GCNT2: variants seen among roughly 807,000 people sequenced by gnomAD.
GCNT2 encodes N-acetyllactosaminide beta-1,6-N-acetylglucosaminyl-transferase.
A neutral mutation model predicts 34.2 loss-of-function variants in GCNT2; 34 were observed. The observed-to-expected ratio is 1.00, with a 90% CI of 0.76 to 1.32. The LOEUF is 1.32. Ranked by LOEUF, GCNT2 falls within the 40% of genes most tolerant of loss-of-function variation. The pLI, the probability that GCNT2 is intolerant of heterozygous loss-of-function variation, is 0.00. For synonymous variants in GCNT2, 212 were observed against 188.0 expected (o/e 1.13, Z -1.04); for missense variants, 584 against 489.4 (o/e 1.19, Z -1.82).
intron 3 of GCNT2, among the ~76,000 whole-genome samples, chr6:10,566,897 A>G (rs1435099809): frequency 1.3e-5 from 2 of 152,242 alleles, no homozygotes; most frequent in African/African-American, 2.4e-5. Context: ...GAGTCTGCTC[A>G]TTCTCTTGAT....
chr6:10,575,366 T>TC (rs1763760727), intron 3 of GCNT2: 1 of 168,198 alleles, frequency 5.9e-6, no homozygotes, highest in African/African-American at 2.4e-5. Flanking sequence ...ACATTTTTTT[T>TC]TTTTTTTTTT....
intron 3 of GCNT2, among the ~76,000 whole-genome samples, chr6:10,552,198 A>G (rs1762515490): frequency 1.3e-5 from 2 of 152,188 alleles, no homozygotes; most frequent in Admixed American, 1.3e-4. Context: ...AATCCAACAA[A>G]TCCAGAGAAT....
chr6:10,607,016 G>A (rs907570995), intron 3 of GCNT2, among the ~76,000 whole-genome samples: 2 of 151,628 alleles, frequency 1.3e-5, no homozygotes, highest in South Asian at 2.1e-4. Flanking sequence ...GCGTGACCTC[G>A]GCTCACTGCA....
intron 3 of GCNT2, among the ~76,000 whole-genome samples, chr6:10,607,908 A>T (rs73721319): frequency 0.12 from 18,538 of 152,018 alleles, 1,719 homozygotes; most frequent in African/African-American, 0.26. Flanking sequence ...ATAACCTGTC[A>T]GTGGTCTCAC....
At chr6:10,575,097 C>T (rs1763743572) in intron 3 of GCNT2, 2 of 513,208 alleles carry the variant, frequency 3.9e-6, no homozygotes, top group Admixed American at 4.9e-5. Context: ...AGTACCCATT[C>T]CCTTGATGCC....
rs372492879 is a variant in GCNT2, at chr6:10,528,902, C to T, written c.-10C>T. 25 of 1,600,670 alleles carry T rather than the reference C, an allele frequency of 1.6e-5. No homozygotes were observed. The highest frequency in any genetic ancestry group is 2.1e-5 in the Non-Finnish European group (24 of 1,168,152). On this transcript the variant is annotated 5_prime_UTR_variant, in exon 3 of 5. Coordinates refer to ENST00000495262, the MANE Select transcript of GCNT2 (RefSeq NM_145649.5). The stretch of plus-strand genomic sequence containing the variant: ...AAGAGAGAGATATTTTACTCATTTC[C>T]TGGTTGTGAATGATGGGCTCTTGGA...
intron 3 of GCNT2, among the ~76,000 whole-genome samples, chr6:10,531,928 A>G (rs578149541): frequency 1.4e-5 from 2 of 139,422 alleles, no homozygotes; most frequent in African/African-American, 5.3e-5. Flanking sequence ...AGGATAATTG[A>G]TTTGGAAAAG....
chr6:10,584,751 C>A (rs1035952229), intron 3 of GCNT2, among the ~76,000 whole-genome samples: 1 of 152,232 alleles, frequency 6.6e-6, no homozygotes. Flanking sequence ...ATCCATTAAA[C>A]CTTGATTCAA....
chr6:10,549,103 T>A (rs565530373), intron 3 of GCNT2, among the ~76,000 whole-genome samples: 1 of 152,218 alleles, frequency 6.6e-6, no homozygotes, highest in African/African-American at 2.4e-5. Flanking sequence ...AAGCAAAAGG[T>A]GCTACTGGCA....
chr6:10,562,262 C>T (rs1392836360), intron 3 of GCNT2, among the ~76,000 whole-genome samples: 2 of 152,210 alleles, frequency 1.3e-5, no homozygotes, highest in Non-Finnish European at 2.9e-5. Context: ...CTCTGCATCT[C>T]TGTGCTGGCT....
At chr6:10,595,560 C>A (rs1764816793) in intron 3 of GCNT2, among the ~76,000 whole-genome samples, 1 of 148,186 alleles carries the variant, frequency 6.7e-6, no homozygotes, top group Non-Finnish European at 1.5e-5. Context: ...TACAGGCGTG[C>A]CACTCTGCCC....
intron 3 of GCNT2, among the ~76,000 whole-genome samples, chr6:10,569,867 T>G (rs946991141): frequency 1.3e-5 from 2 of 150,928 alleles, no homozygotes; most frequent in African/African-American, 4.9e-5. Flanking sequence ...TTCTCTTTCT[T>G]TCTTTCTTTC....
intron 3 of GCNT2, chr6:10,585,801 C>T (rs540103839): frequency 6.9e-7 from 1 of 1,443,910 alleles, no homozygotes; most frequent in African/African-American, 1.4e-5. Context: ...TCTCCAGGCA[C>T]ATCCAAAAAG....
chr6:10,534,139 C>CTTTTTTTTTTTTT lies in GCNT2; in HGVS notation c.925+4304_925+4305insTTTTTTTTTTTTT, dbSNP rs1491129469. On this transcript the variant is annotated intron_variant, in intron 3 of 4. Transcript: ENST00000495262. ...CTGGTATCTGCCAGATTCCATGCTG[C>CTTTTTTTTTTTTT]TCTTTTTTTTTTTTTTTTTTAAGAT... Among the ~76,000 whole-genome samples, 314 of 123,116 alleles carry CTTTTTTTTTTTTT rather than the reference C, an allele frequency of 2.6e-3. 28 individuals carry two copies. The highest frequency in any genetic ancestry group is 4.8e-3 in the South Asian group (15 of 3,128). 80.8% of individuals were successfully genotyped at this position (123,116 alleles called of 152,430 possible). A position where few individuals can be genotyped will look rare whatever the true frequency, so the allele number is the denominator to read the frequency against.
At chr6:10,581,382 T>A (rs574126353) in intron 3 of GCNT2, among the ~76,000 whole-genome samples, 1 of 152,286 alleles carries the variant, frequency 6.6e-6, no homozygotes, top group Non-Finnish European at 1.5e-5. Flanking sequence ...GTGATTCTCC[T>A]GCCTCATCCT....
chr6:10,597,073 G>GA (rs1012569058), intron 3 of GCNT2, among the ~76,000 whole-genome samples: 8 of 151,706 alleles, frequency 5.3e-5, no homozygotes, highest in Admixed American at 5.2e-4. Context: ...TAACCAAACT[G>GA]AGCCTCAGTT....
intron 3 of GCNT2, chr6:10,557,252 C>T (rs773045157): frequency 6.2e-7 from 1 of 1,605,730 alleles, no homozygotes; most frequent in East Asian, 2.2e-5. Context: ...CTTTGTTCTG[C>T]ATGACCCACG....
chr6:10,525,619 A>G (rs1761146425), intron 1 of GCNT2, among the ~76,000 whole-genome samples: 1 of 152,186 alleles, frequency 6.6e-6, no homozygotes, highest in South Asian at 2.1e-4. Flanking sequence ...GGGTTGATGA[A>G]AAAGGAAATA....
chr6:10,535,064 AC>A, intron 3 of GCNT2, among the ~76,000 whole-genome samples: 1 of 152,042 alleles, frequency 6.6e-6, no homozygotes, highest in Non-Finnish European at 1.5e-5. Context: ...CATGCCTGTA[AC>A]CCCAGCTACT....
Sources: gnomAD v4.1 joint callset for allele counts (sites outside exome capture counted in the v4.1 genomes callset) on GRCh38, gnomAD v4.1.1 for gene constraint, MANE v1.5 for transcripts, NCBI Gene and HGNC (gene_info 2026-07-23, HGNC 2026-07-21) for gene names.